The following ATP5MF variants were observed in gnomAD, a reference collection of about 807,000 sequenced individuals.
ATP5MF encodes ATP synthase F(0) complex subunit f, mitochondrial.
A neutral mutation model predicts 13.8 loss-of-function variants in ATP5MF; 10 were observed. The observed-to-expected ratio is 0.72, with a 90% CI of 0.45 to 1.23. The LOEUF is 1.23. ATP5MF is among the 50% of genes most tolerant of loss of function. The pLI is 0.00. For missense variants in ATP5MF, 122 were observed against 118.2 expected (o/e 1.03, Z -0.15); for synonymous variants, 40 against 45.8 (o/e 0.87, Z 0.51).
intron 1 of ATP5MF, among the ~76,000 whole-genome samples, chr7:99,462,289 A>T (rs1181065696): frequency 1.9e-5 from 1 of 51,512 alleles, no homozygotes; most frequent in Non-Finnish European, 3.1e-5. Flanking sequence ...CATCACTACT[A>T]AAAAAAAAAA....
intron 1 of ATP5MF, among the ~76,000 whole-genome samples, chr7:99,461,375 AATG>A (rs1798592820): frequency 6.6e-6 from 1 of 152,058 alleles, no homozygotes; most frequent in Non-Finnish European, 1.5e-5. Flanking sequence ...ACACCCAGCT[AATG>A]ATAAGTTTTA....
At position 99,460,480 on chromosome 7, in the gene ATP5MF, T is replaced by A. The variant is rs73711284; in HGVS notation, c.32-287A>T. ...CAGAAAAGGGTCTCGAAAAAAGCAG[T>A]AACGTGGCGGACAGGAAAGATTACT... On this transcript the variant is annotated intron_variant, in intron 1 of 3. Coordinates refer to ENST00000292475, the MANE Select transcript of ATP5MF (RefSeq NM_004889.5). 1.6e-3 allele frequency: 1,059 copies of A among 647,656 alleles called. 10 individuals carry two copies. The African/African-American group carries it at 0.016, about 10-fold the overall frequency. The allele number at this position is 647,656 out of a possible 1,614,324, so 40.1% of individuals were successfully genotyped here.
intron 2 of ATP5MF, chr7:99,459,710 G>A (rs995573310): frequency 2.3e-5 from 6 of 256,278 alleles, no homozygotes; most frequent in Non-Finnish European, 4.5e-5. Context: ...CACCACACCA[G>A]GCCAAGATAG....
chr7:99,462,468 A>C (rs1394829064), intron 1 of ATP5MF, among the ~76,000 whole-genome samples: 1 of 144,474 alleles, frequency 6.9e-6, no homozygotes, highest in Non-Finnish European at 1.5e-5. Context: ...AATCCGTGTC[A>C]AAAACAAACA....
At chr7:99,463,546 G>C (rs935188159) in intron 1 of ATP5MF, among the ~76,000 whole-genome samples, 11 of 152,262 alleles carry the variant, frequency 7.2e-5, no homozygotes, top group African/African-American at 2.6e-4. Flanking sequence ...GGGAGGCCAA[G>C]GCAGGAGGAT....
chr7:99,460,005 G>T, intron 2 of ATP5MF, 81 bp downstream of exon 2: 1 of 1,490,798 alleles, frequency 6.7e-7, no homozygotes, highest in Non-Finnish European at 9.0e-7. Context: ...GGCCTTCATT[G>T]CCCAAATTAA....
Position 99,460,111 on chromosome 7 carries a change from AC to A in ATP5MF, c.113del (p.Ser38MetfsTer21), listed in dbSNP as rs746062789. 57 of 1,614,056 alleles carry A rather than the reference AC, an allele frequency of 3.5e-5. No individual in the cohort carries two copies. The highest frequency in any genetic ancestry group is 4.8e-5 in the Non-Finnish European group (57 of 1,179,970). On this transcript the variant is annotated frameshift_variant, in exon 2 of 4. Coordinates refer to ENST00000292475, the MANE Select transcript of ATP5MF (RefSeq NM_004889.5). LOFTEE classifies it high-confidence loss of function. ...SWILMRDFSP[S>X]GIFGAFQRGY... is the part of the protein sequence containing the mutation. ...CTCTTTGAAACGCTCCGAAAATGCCACTAGGACTGAAGTCCCGCATCAAGAT... is the reference window on the plus strand; with the variant it reads ...CTCTTTGAAACGCTCCGAAAATGCCATAGGACTGAAGTCCCGCATCAAGAT...
chr7:99,458,857 G>T (rs548538889), intron 3 of ATP5MF: 2 of 345,414 alleles, frequency 5.8e-6, no homozygotes, highest in East Asian at 5.7e-5. Flanking sequence ...TAGGAAAATC[G>T]AGCCAAATTT....
chr7:99,458,209 T>C lies in ATP5MF; in HGVS notation c.*118A>G, dbSNP rs1562869863. The C allele has an allele frequency of 9.2e-7, 1 of 1,092,804 alleles. No individual in the cohort carries two copies. Among genetic ancestry groups the C allele is most frequent in the Admixed American group, 2.3e-5 (1 of 42,864 alleles). 67.7% of individuals were successfully genotyped at this position (1,092,804 alleles called of 1,614,324 possible). A position where few individuals can be genotyped will look rare whatever the true frequency, so the allele number is the denominator to read the frequency against. On this transcript the variant is annotated 3_prime_UTR_variant, in exon 4 of 4. Coordinates refer to ENST00000292475, the MANE Select transcript of ATP5MF (RefSeq NM_004889.5). The stretch of plus-strand genomic sequence containing the variant: ...ATCAGCACACGTACCAGTCATGTTT[T>C]ATTTGGAGGTTAATTCCTATTAGGA...
intron 1 of ATP5MF, among the ~76,000 whole-genome samples, chr7:99,465,238 G>A (rs753578393): frequency 9.2e-5 from 14 of 151,906 alleles, no homozygotes; most frequent in Non-Finnish European, 1.9e-4. Context: ...CACCCTGGGC[G>A]ACAAGAGCGA....
chr7:99,461,541 C>T (rs1562872216), intron 1 of ATP5MF, among the ~76,000 whole-genome samples: 1 of 152,112 alleles, frequency 6.6e-6, no homozygotes, highest in Non-Finnish European at 1.5e-5. Flanking sequence ...TCAGGACCAG[C>T]CTCAAGAGTC....
chr7:99,464,598 G>A (rs1208084675), intron 1 of ATP5MF, among the ~76,000 whole-genome samples: 1 of 152,180 alleles, frequency 6.6e-6, no homozygotes, highest in Non-Finnish European at 1.5e-5. Context: ...GGGAGGCAGA[G>A]CTTGCAGTGA....
chr7:99,466,067 G>A (rs1798860568), intron 1 of ATP5MF, 44 bp downstream of exon 1: 1 of 1,613,854 alleles, frequency 6.2e-7, no homozygotes, highest in African/African-American at 1.3e-5. Context: ...TCTGGACCCT[G>A]GACCCTGGCT....
intron 1 of ATP5MF, among the ~76,000 whole-genome samples, chr7:99,464,892 T>C (rs1798786191): frequency 6.7e-6 from 1 of 149,952 alleles, no homozygotes; most frequent in African/African-American, 2.5e-5. Flanking sequence ...CATTTGAACC[T>C]GGGAGGCAGA....
intron 1 of ATP5MF, among the ~76,000 whole-genome samples, chr7:99,463,155 G>A (rs758315213): frequency 1.3e-5 from 2 of 152,182 alleles, no homozygotes; most frequent in African/African-American, 2.4e-5. Flanking sequence ...CTTGGTACAC[G>A]ACAGATTCTC....
chr7:99,460,305 C>G, intron 1 of ATP5MF, 112 bp from the exon 2 acceptor site: 1 of 1,176,592 alleles, frequency 8.5e-7, no homozygotes, highest in African/African-American at 1.5e-5. Flanking sequence ...AATGCAATTA[C>G]ACAGAGGCTG....
chr7:99,461,169 G>A (rs979920318), intron 1 of ATP5MF, among the ~76,000 whole-genome samples: 1 of 152,124 alleles, frequency 6.6e-6, no homozygotes, highest in Admixed American at 6.5e-5. Context: ...GAAAGGAATC[G>A]TCTCCCCTGT....
intron 1 of ATP5MF, among the ~76,000 whole-genome samples, chr7:99,464,532 G>T (rs1025955746): frequency 6.6e-6 from 1 of 152,042 alleles, no homozygotes; most frequent in Non-Finnish European, 1.5e-5. Flanking sequence ...GCGGGGTGGC[G>T]GGCGCCTGTA....
chr7:99,465,420 ACT>A (rs1440587797), intron 1 of ATP5MF, among the ~76,000 whole-genome samples: 2 of 152,096 alleles, frequency 1.3e-5, no homozygotes, highest in African/African-American at 4.8e-5. Flanking sequence ...CCCAACAAGG[ACT>A]CTCTGACAAG....
Sources: gnomAD v4.1 joint callset for allele counts (sites outside exome capture counted in the v4.1 genomes callset) on GRCh38, gnomAD v4.1.1 for gene constraint, MANE v1.5 for transcripts, NCBI Gene and HGNC (gene_info 2026-07-23, HGNC 2026-07-21) for gene names.